DGKB: variants seen among roughly 807,000 people sequenced by gnomAD.
DGKB encodes 90 kDa diacylglycerol kinase.
A neutral mutation model predicts 114.3 loss-of-function variants in DGKB; 67 were observed. The ratio of observed to expected loss-of-function variants is 0.59; its 90% confidence interval spans 0.48 to 0.72. DGKB has a LOEUF of 0.72. Ranked by LOEUF, DGKB falls within the 30% of genes least tolerant of loss-of-function variation. The pLI, the probability that DGKB is intolerant of heterozygous loss-of-function variation, is 0.00. For synonymous variants in DGKB, 398 were observed against 323.1 expected (o/e 1.23, Z -2.49); for missense variants, 907 against 975.2 (o/e 0.93, Z 0.93).
intron 25 of DGKB, among the ~76,000 whole-genome samples, chr7:14,152,043 CG>C (rs1046686439): frequency 4.0e-5 from 6 of 151,870 alleles, no homozygotes; most frequent in African/African-American, 1.5e-4. Flanking sequence ...ATCCTGGTTA[CG>C]GGGGGTTAAC....
chr7:14,334,848 A>C lies in DGKB; in HGVS notation c.2122+3667T>G, dbSNP rs148334990. Among the ~76,000 whole-genome samples, 49 of 152,298 alleles carry C rather than the reference A, an allele frequency of 3.2e-4. 2 individuals are homozygous for C. In the East Asian group the frequency reaches 9.3e-3, roughly 29 times the overall value. On this transcript the variant is annotated intron_variant, in intron 23 of 25. Transcript: ENST00000402815. Reference sequence around the variant, plus strand: ...ATGGGAAAGGTCGAATATTAACGCTAGGAGAACTGAAGACTAATTTGGCCT... The same window carrying C: ...ATGGGAAAGGTCGAATATTAACGCTCGGAGAACTGAAGACTAATTTGGCCT...
intron 23 of DGKB, among the ~76,000 whole-genome samples, chr7:14,230,773 C>G (rs570519069): frequency 6.6e-6 from 1 of 152,128 alleles, no homozygotes; most frequent in Admixed American, 6.5e-5. Context: ...GAACCATTCT[C>G]TATTCAGAGT....
intron 25 of DGKB, among the ~76,000 whole-genome samples, chr7:14,160,547 G>A (rs1783725274): frequency 6.6e-6 from 1 of 151,976 alleles, no homozygotes; most frequent in African/African-American, 2.4e-5. Flanking sequence ...CTAGGAATAC[G>A]ACTTACTTAC....
intron 23 of DGKB, among the ~76,000 whole-genome samples, chr7:14,327,046 A>G (rs1220664827): frequency 2.6e-5 from 4 of 152,144 alleles, no homozygotes; most frequent in African/African-American, 9.7e-5. Flanking sequence ...GTTTAATTCA[A>G]CTTTTATACC....
chr7:14,456,251 C>T (rs1223433217), intron 21 of DGKB, among the ~76,000 whole-genome samples: 1 of 151,824 alleles, frequency 6.6e-6, no homozygotes, highest in African/African-American at 2.4e-5. Flanking sequence ...GGAAATATCC[C>T]AAAATATAAA....
rs536135160 is a variant in DGKB, at chr7:14,646,464, A to G, written c.1135-16196T>C. ...AGGATAATAAATTGTAAAATATTGG[A>G]CTTACACTGCACTATAGACCAAATG... On this transcript the variant is annotated intron_variant, in intron 13 of 25. Coordinates refer to ENST00000402815, the MANE Select transcript of DGKB (RefSeq NM_001350709.2). Among the ~76,000 whole-genome samples the G allele has an allele frequency of 1.2e-4, 18 of 152,292 alleles. No homozygotes were observed. The East Asian group carries it at 3.5e-3, about 29-fold the overall frequency.
At chr7:14,970,504 T>G (rs2115304506) in intron 1 of DGKB, among the ~76,000 whole-genome samples, 1 of 151,842 alleles carries the variant, frequency 6.6e-6, no homozygotes, top group East Asian at 1.9e-4. Context: ...TCAATAAATG[T>G]TAGTCGATTG....
At chr7:14,376,055 T>C (rs1818434326) in intron 21 of DGKB, among the ~76,000 whole-genome samples, 1 of 152,152 alleles carries the variant, frequency 6.6e-6, no homozygotes, top group South Asian at 2.1e-4. Context: ...CCAGGGTACA[T>C]ACAGATAATC....
chr7:14,888,404 A>G (rs137875488), intron 1 of DGKB, among the ~76,000 whole-genome samples: 9 of 151,750 alleles, frequency 5.9e-5, no homozygotes, highest in Admixed American at 2.0e-4. Context: ...CTTACTGGGC[A>G]TCTTAAATCC....
At chr7:14,760,954 C>G (rs1052660078) in intron 2 of DGKB, among the ~76,000 whole-genome samples, 2 of 152,178 alleles carry the variant, frequency 1.3e-5, no homozygotes, top group Non-Finnish European at 2.9e-5. Context: ...CCAAAAACCT[C>G]TAGATATATG....
At chr7:14,910,245 AG>A (rs1201701695) in intron 1 of DGKB, among the ~76,000 whole-genome samples, 1 of 2,944 alleles carries the variant, frequency 3.4e-4, no homozygotes, top group Non-Finnish European at 6.4e-4. Flanking sequence ...CATCAAAAAA[AG>A]AAAGAAAGAA....
rs60427374 is a variant in DGKB, at chr7:14,939,621, CTTT to C, written c.-188+35072_-188+35074del. On this transcript the variant is annotated intron_variant, in intron 1 of 4. Coordinates refer to the DGKB transcript ENST00000437998. The stretch of plus-strand genomic sequence containing the variant: ...AAACTGCTATCATGAAAATATAATA[CTTT>C]TTTTTTTTTTTTTTTTTTTTTTTGA... Among the ~76,000 whole-genome samples the C allele has an allele frequency of 3.9e-3, 329 of 84,088 alleles. 1 individual carries two copies. Among genetic ancestry groups the C allele is most frequent in the African/African-American group, 0.013 (271 of 20,686 alleles). The allele number at this position is 84,088 out of a possible 152,430, so 55.2% of individuals were successfully genotyped here. A position where few individuals can be genotyped will look rare whatever the true frequency, so the allele number is the denominator to read the frequency against.
intron 6 of DGKB, among the ~76,000 whole-genome samples, chr7:14,709,672 T>G (rs1336667038): frequency 2.1e-5 from 3 of 145,218 alleles, no homozygotes; most frequent in Non-Finnish European, 3.0e-5. Context: ...TGTAGGGACA[T>G]GGATGAAATT....
chr7:14,769,113 GAA>G (rs1457959406), intron 2 of DGKB, among the ~76,000 whole-genome samples: 91 of 114,330 alleles, frequency 8.0e-4, no homozygotes, highest in Non-Finnish European at 1.2e-3. Flanking sequence ...AAGAAAGAAA[GAA>G]AGAAAGAAAG....
At chr7:14,432,593 A>G (rs13244039) in intron 21 of DGKB, among the ~76,000 whole-genome samples, 4,930 of 152,234 alleles carry the variant, frequency 0.032, 115 homozygotes, top group Non-Finnish European at 0.041. Flanking sequence ...CTTGAATTGT[A>G]TCCACAAGGT....
At chr7:14,804,793 C>T (rs1443391104) in intron 2 of DGKB, among the ~76,000 whole-genome samples, 1 of 152,010 alleles carries the variant, frequency 6.6e-6, no homozygotes, top group African/African-American at 2.4e-5. Context: ...AGGCATTTTT[C>T]CCATCTAATG....
chr7:14,434,759 A>G (rs1325035092), intron 21 of DGKB, among the ~76,000 whole-genome samples: 3 of 152,202 alleles, frequency 2.0e-5, no homozygotes. Context: ...TGGAAAAGTT[A>G]TCAACCAGTA....
At chr7:14,760,809 A>G (rs1219388346) in intron 2 of DGKB, among the ~76,000 whole-genome samples, 1 of 152,188 alleles carries the variant, frequency 6.6e-6, no homozygotes, top group African/African-American at 2.4e-5. Context: ...AGTAAAAAAC[A>G]TATTCAGTAA....
intron 20 of DGKB, among the ~76,000 whole-genome samples, chr7:14,524,335 G>T (rs1379555651): frequency 6.6e-6 from 1 of 152,126 alleles, no homozygotes; most frequent in Non-Finnish European, 1.5e-5. Flanking sequence ...CAGATCAATA[G>T]AGTGGTAGAA....
Sources: allele counts gnomAD v4.1 joint callset (sites outside exome capture counted in the v4.1 genomes callset), GRCh38; gene constraint gnomAD v4.1.1; transcripts MANE v1.5; gene names NCBI Gene and HGNC (gene_info 2026-07-23, HGNC 2026-07-21).